NRG1: variants seen among roughly 807,000 people sequenced by gnomAD.
The protein encoded by NRG1 is neuregulin 1, also known as pro-neuregulin-1, membrane-bound isoform.
NRG1 carries 18 observed loss-of-function variants against 63.8 expected under a neutral mutation model. That is an observed-to-expected ratio of 0.28 (90% confidence interval 0.19 to 0.42). NRG1 has a LOEUF of 0.42. Ranked by LOEUF, NRG1 falls within the 10% of genes least tolerant of loss-of-function variation. NRG1 has a pLI of 1.00. For synonymous variants in NRG1, 302 were observed against 301.3 expected (o/e 1.00, Z -0.02); for missense variants, 762 against 814.7 (o/e 0.94, Z 0.79).
intron 1 of NRG1, among the ~76,000 whole-genome samples, chr8:32,275,743 C>T (rs7827648): frequency 6.6e-6 from 1 of 151,968 alleles, no homozygotes; most frequent in African/African-American, 2.4e-5. Context: ...CTTGTGAAAC[C>T]ACAGGCCTTG....
At chr8:32,353,985 C>T (rs900425865) in intron 1 of NRG1, among the ~76,000 whole-genome samples, 8 of 152,238 alleles carry the variant, frequency 5.3e-5, no homozygotes, top group Middle Eastern at 3.4e-3. Context: ...TGGAATACTA[C>T]TCAGTAATAA....
At chr8:32,113,000 T>G (rs1460957425) in intron 1 of NRG1, among the ~76,000 whole-genome samples, 1 of 152,204 alleles carries the variant, frequency 6.6e-6, no homozygotes, top group African/African-American at 2.4e-5. Context: ...GACCCTTTTG[T>G]TCAAAGAACA....
intron 5 of NRG1, among the ~76,000 whole-genome samples, chr8:32,662,686 A>G (rs1215710916): frequency 6.6e-6 from 1 of 152,192 alleles, no homozygotes; most frequent in Non-Finnish European, 1.5e-5. Context: ...GATTCTGAAT[A>G]TATTTTGAAG....
chr8:31,812,577 T>C (rs1822995571), intron 1 of NRG1, among the ~76,000 whole-genome samples: 1 of 151,654 alleles, frequency 6.6e-6, no homozygotes, highest in African/African-American at 2.4e-5. Flanking sequence ...CCCTTCCTCC[T>C]CCCCTTCCTC....
intron 1 of NRG1, among the ~76,000 whole-genome samples, chr8:32,411,306 C>T (rs1454701359): frequency 1.3e-5 from 2 of 152,110 alleles, no homozygotes; most frequent in African/African-American, 4.8e-5. Flanking sequence ...GGGCCCTTCT[C>T]GAGTTATGGA....
At chr8:32,662,124 G>T (rs1036404500) in intron 5 of NRG1, among the ~76,000 whole-genome samples, 2 of 152,164 alleles carry the variant, frequency 1.3e-5, no homozygotes, top group Admixed American at 1.3e-4. Context: ...ACCCCCAAAA[G>T]TGTGTACATC....
At position 32,434,909 on chromosome 8, in the gene NRG1, G is replaced by A. The variant is rs139085449; in HGVS notation, c.38-160919G>A. On this transcript the variant is annotated intron_variant, in intron 1 of 10. Coordinates refer to the NRG1 transcript ENST00000519301. ...CCATGTAAAGTATATGGAAGGATGTGCATAGGTTATATGCAAATATGCTAT... is the reference window on the plus strand; with the variant it reads ...CCATGTAAAGTATATGGAAGGATGTACATAGGTTATATGCAAATATGCTAT... 5.8e-3 allele frequency among the ~76,000 whole-genome samples: 888 copies of A among 152,302 alleles called. 4 individuals carry two copies. The highest frequency in any genetic ancestry group is 9.8e-3 in the Non-Finnish European group (665 of 68,018).
At chr8:32,084,477 A>G (rs1027963949) in intron 1 of NRG1, among the ~76,000 whole-genome samples, 2 of 152,166 alleles carry the variant, frequency 1.3e-5, no homozygotes, top group South Asian at 2.1e-4. Context: ...TGTGCCATCT[A>G]TACACAACCA....
intron 5 of NRG1, among the ~76,000 whole-genome samples, chr8:32,666,602 G>C (rs1804219077): frequency 6.6e-6 from 1 of 152,196 alleles, no homozygotes; most frequent in Admixed American, 6.5e-5. Flanking sequence ...CTATGTGGCT[G>C]TTGTTCAGTC....
chr8:32,636,259 C>T (rs1851324779), intron 5 of NRG1, among the ~76,000 whole-genome samples: 1 of 152,148 alleles, frequency 6.6e-6, no homozygotes, highest in African/African-American at 2.4e-5. Context: ...CTCTGCACTG[C>T]AGTAATTTGT....
intron 1 of NRG1, among the ~76,000 whole-genome samples, chr8:31,748,264 G>A (rs970702432): frequency 6.6e-6 from 1 of 151,740 alleles, no homozygotes; most frequent in Non-Finnish European, 1.5e-5. Context: ...TATATTCCAG[G>A]CACTATTATA....
chr8:32,682,000 G>T (rs745355407), intron 5 of NRG1, among the ~76,000 whole-genome samples: 114 of 152,126 alleles, frequency 7.5e-4, no homozygotes, highest in Admixed American at 2.0e-3. Context: ...TGCAAGGCAC[G>T]TATTCCAGAT....
intron 1 of NRG1, among the ~76,000 whole-genome samples, chr8:32,198,934 T>G (rs10110401): frequency 0.037 from 5,656 of 152,040 alleles, 194 homozygotes; most frequent in African/African-American, 0.087. Flanking sequence ...TATGAAAACC[T>G]AGCTTTCTTT....
At chr8:32,349,548 C>A (rs1805332245) in intron 1 of NRG1, among the ~76,000 whole-genome samples, 1 of 152,072 alleles carries the variant, frequency 6.6e-6, no homozygotes, top group Non-Finnish European at 1.5e-5. Context: ...CAGAGCATTT[C>A]TAGATAATGA....
intron 1 of NRG1, among the ~76,000 whole-genome samples, chr8:31,776,572 G>A (rs1187998797): frequency 6.6e-6 from 1 of 151,904 alleles, no homozygotes; most frequent in East Asian, 1.9e-4. Context: ...AAGTTTTAGG[G>A]TACATGTGCA....
chr8:32,228,393 T>C (rs1846554166), intron 1 of NRG1, among the ~76,000 whole-genome samples: 1 of 152,210 alleles, frequency 6.6e-6, no homozygotes, highest in Admixed American at 6.5e-5. Context: ...TAGGTTGAAC[T>C]TCATAACTTC....
intron 1 of NRG1, among the ~76,000 whole-genome samples, chr8:32,342,551 G>A (rs1804206670): frequency 6.6e-6 from 1 of 152,184 alleles, no homozygotes; most frequent in Non-Finnish European, 1.5e-5. Context: ...TAGAGCCAGA[G>A]TCCACAAGCA....
At chr8:32,771,702 T>A (rs1420192985), downstream of NRG1, among the ~76,000 whole-genome samples, 4 of 19,428 alleles carry the variant, frequency 2.1e-4, no homozygotes, top group Non-Finnish European at 4.6e-4. Context: ...ATATTCCATT[T>A]CTTTAAAAAA....
chr8:32,243,500 G>A (rs560342621), intron 1 of NRG1, among the ~76,000 whole-genome samples: 1 of 151,362 alleles, frequency 6.6e-6, no homozygotes, highest in South Asian at 2.1e-4. Flanking sequence ...ATTTTAACTT[G>A]ATGAGCTCTG....
Sources: gnomAD v4.1 joint callset for allele counts (sites outside exome capture counted in the v4.1 genomes callset) on GRCh38, gnomAD v4.1.1 for gene constraint, MANE v1.5 for transcripts, NCBI Gene and HGNC (gene_info 2026-07-23, HGNC 2026-07-21) for gene names.